The following BMPR1A variants were observed in gnomAD, a reference collection of about 807,000 sequenced individuals.
The protein encoded by BMPR1A is bone morphogenetic protein receptor type-1A.
In BMPR1A, 7 loss-of-function variants were observed where a neutral mutation model predicts 66.0. That is an observed-to-expected ratio of 0.11 (90% CI 0.06 to 0.20). BMPR1A has a LOEUF of 0.20. BMPR1A is among the 10% of genes least tolerant of loss of function. The probability of loss-of-function intolerance (pLI) is 1.00; values close to 1 mark genes in which losing one functional copy is unlikely to be tolerated. For missense variants in BMPR1A, 408 were observed against 669.1 expected (o/e 0.61, Z 4.31); for synonymous variants, 200 against 229.7 (o/e 0.87, Z 1.17).
chr10:86,830,490 G>T (rs765928668), intron 1 of BMPR1A, among the ~76,000 whole-genome samples: 2 of 152,162 alleles, frequency 1.3e-5, no homozygotes, highest in Non-Finnish European at 2.9e-5. Context: ...TCACATTCGT[G>T]TCCACATTTG....
At chr10:86,900,261 T>TTC (rs1260202329) in intron 7 of BMPR1A, 135 bp downstream of exon 7, 4 of 836,066 alleles carry the variant, frequency 4.8e-6, no homozygotes, top group African/African-American at 1.7e-5. Flanking sequence ...TAGACTATAG[T>TTC]TCTCTTAAGG....
chr10:86,866,560 C>T (rs1322755037), intron 2 of BMPR1A, among the ~76,000 whole-genome samples: 8 of 151,624 alleles, frequency 5.3e-5, no homozygotes, highest in Admixed American at 4.6e-4. Flanking sequence ...AGGTGCCTGC[C>T]ACCACGCCTG....
Position 86,891,334 on chromosome 10 carries a change from C to T in BMPR1A, c.231-793C>T, listed in dbSNP as rs1209325586. ...GGCTGTCTGTTAGTAGCTTAGTAAC[C>T]CAGAGTAAAACTGAATCATCCATTT... On this transcript the variant is annotated intron_variant, in intron 4 of 12. Transcript: ENST00000372037. Among the ~76,000 whole-genome samples the T allele has an allele frequency of 3.3e-5, 5 of 152,078 alleles. 1 individual carries two copies. The highest frequency in any genetic ancestry group is 2.6e-4 in the Admixed American group (4 of 15,262).
At chr10:86,762,123 C>G (rs953575631) in intron 1 of BMPR1A, among the ~76,000 whole-genome samples, 1 of 152,188 alleles carries the variant, frequency 6.6e-6, no homozygotes, top group Non-Finnish European at 1.5e-5. Context: ...CCACTAACCC[C>G]CATGATATTG....
chr10:86,929,352 C>T (rs1843786972), downstream of BMPR1A: 1 of 152,198 alleles, frequency 6.6e-6, no homozygotes, highest in South Asian at 2.1e-4. Context: ...GATGCTCCTG[C>T]TGCAATGGGA....
intron 1 of BMPR1A, among the ~76,000 whole-genome samples, chr10:86,757,729 G>A (rs1273786830): frequency 1.3e-5 from 2 of 152,154 alleles, no homozygotes; most frequent in African/African-American, 4.8e-5. Flanking sequence ...CCTGTGTTAC[G>A]TCATTTAATC....
intron 1 of BMPR1A, among the ~76,000 whole-genome samples, chr10:86,797,209 C>A (rs1307041764): frequency 6.8e-6 from 1 of 147,712 alleles, no homozygotes; most frequent in Non-Finnish European, 1.5e-5. Context: ...GGATTACAGG[C>A]GCCTGCCACC....
intron 1 of BMPR1A, among the ~76,000 whole-genome samples, chr10:86,805,552 C>T (rs1330775496): frequency 1.3e-5 from 2 of 151,170 alleles, no homozygotes; most frequent in Admixed American, 1.3e-4. Flanking sequence ...ACCTCCACCT[C>T]CCCAGTTCAA....
At chr10:86,883,549 CAAAAAAAAAAA>C (rs71019436) in intron 3 of BMPR1A, among the ~76,000 whole-genome samples, 2 of 45,412 alleles carry the variant, frequency 4.4e-5, no homozygotes, top group Non-Finnish European at 9.2e-5. Context: ...GACTCCGTCT[CAAAAAAAAAAA>C]AAAAAAAAAA....
chr10:86,757,877 A>G (rs1847903292), intron 1 of BMPR1A, among the ~76,000 whole-genome samples: 2 of 152,128 alleles, frequency 1.3e-5, no homozygotes, highest in African/African-American at 4.8e-5. Flanking sequence ...AATTAGGAAG[A>G]AAAAAAACCA....
At chr10:86,862,016 T>A (rs1842719022) in intron 2 of BMPR1A, among the ~76,000 whole-genome samples, 1 of 152,230 alleles carries the variant, frequency 6.6e-6, no homozygotes, top group African/African-American at 2.4e-5. Context: ...TTATTTAGTA[T>A]CGACTCTGTG....
Position 86,824,965 on chromosome 10 carries a change from A to G in BMPR1A, c.-267-13900A>G, listed in dbSNP as rs73348045. On this transcript the variant is annotated intron_variant, in intron 1 of 12. Transcript: ENST00000372037. ...TAAATATAATCTTAGAGTATGCATC[A>G]TTAGGAAATAAATCTATTTTGAGAA... 5.5e-3 allele frequency among the ~76,000 whole-genome samples: 840 copies of G among 152,308 alleles called. 7 individuals are homozygous for G. Among genetic ancestry groups the G allele is most frequent in the African/African-American group, 0.019 (793 of 41,552 alleles).
intron 2 of BMPR1A, among the ~76,000 whole-genome samples, chr10:86,866,610 A>C (rs1273930198): frequency 6.6e-6 from 1 of 150,724 alleles, no homozygotes; most frequent in Non-Finnish European, 1.5e-5. Flanking sequence ...GGGTTTTACT[A>C]TGTTGGCCAG....
chr10:86,783,563 G>A (rs1019836841), intron 1 of BMPR1A, among the ~76,000 whole-genome samples: 4 of 152,156 alleles, frequency 2.6e-5, no homozygotes, highest in South Asian at 2.1e-4. Flanking sequence ...CCTCCTTGAC[G>A]TTTATTTTTA....
chr10:86,914,649 A>C (rs1358903366), intron 8 of BMPR1A, among the ~76,000 whole-genome samples: 1 of 152,236 alleles, frequency 6.6e-6, no homozygotes, highest in East Asian at 1.9e-4. Context: ...GGGATATACA[A>C]ATTAAACACA....
intron 3 of BMPR1A, among the ~76,000 whole-genome samples, chr10:86,879,120 A>C (rs1842956095): frequency 6.6e-6 from 1 of 152,198 alleles, no homozygotes; most frequent in Non-Finnish European, 1.5e-5. Context: ...TGGCTCATCA[A>C]GACCCAAGTT....
intron 2 of BMPR1A, chr10:86,855,202 C>T (rs946716706): frequency 2.6e-4 from 183 of 710,398 alleles, no homozygotes; most frequent in Non-Finnish European, 3.5e-4. Flanking sequence ...CCACACCCTG[C>T]GTCGCTAAGT....
chr10:86,775,284 ACTGT>A (rs1411959321), intron 1 of BMPR1A, among the ~76,000 whole-genome samples: 1 of 152,214 alleles, frequency 6.6e-6, no homozygotes, highest in Non-Finnish European at 1.5e-5. Flanking sequence ...AAGTACTGTC[ACTGT>A]CTGTTACATC....
intron 2 of BMPR1A, chr10:86,855,155 C>A (rs374218312): frequency 2.4e-6 from 1 of 416,802 alleles, no homozygotes; most frequent in Non-Finnish European, 4.3e-6. Flanking sequence ...CTCCTGACAT[C>A]AGGTGATCAA....
Sources: allele counts gnomAD v4.1 joint callset (sites outside exome capture counted in the v4.1 genomes callset), GRCh38; gene constraint gnomAD v4.1.1; transcripts MANE v1.5; gene names NCBI Gene and HGNC (gene_info 2026-07-23, HGNC 2026-07-21).